ELF5: variants seen among roughly 807,000 people sequenced by gnomAD.
ELF5 encodes the protein ETS-related transcription factor Elf-5.
Under a neutral mutation model 38.2 loss-of-function variants are expected in ELF5, and 31 were observed. The observed-to-expected ratio is 0.81, with a 90% confidence interval of 0.61 to 1.10. The LOEUF (loss-of-function observed/expected upper bound fraction) is 1.10, where lower values mean the gene tolerates loss of function less well. Among genes scored for constraint, ELF5 ranks in the 50% least tolerant of loss-of-function variants. The pLI, the probability that ELF5 is intolerant of heterozygous loss-of-function variation, is 0.00. For missense variants in ELF5, 300 were observed against 306.6 expected, an observed-to-expected ratio of 0.98 and a Z score of 0.16; for synonymous variants, 121 against 112.5, an observed-to-expected ratio of 1.08 and a Z score of -0.48.
chr11:34,511,920 G>C (rs985118109), intron 1 of ELF5: 1 of 292,506 alleles, frequency 3.4e-6, no homozygotes. Flanking sequence ...CTGTTTACGG[G>C]CCAAATCATC....
chr11:34,490,529 G>A (rs1850140250), intron 3 of ELF5, among the ~76,000 whole-genome samples: 1 of 152,226 alleles, frequency 6.6e-6, no homozygotes, highest in Admixed American at 6.5e-5. Context: ...TTGGGGATTG[G>A]AATGCCTGTT....
At chr11:34,482,376 TTGTC>T (rs1856961229) in intron 5 of ELF5, 51 bp downstream of exon 5, 1 of 1,512,732 alleles carries the variant, frequency 6.6e-7, no homozygotes, top group African/African-American at 1.4e-5. Flanking sequence ...GTAGATGACT[TTGTC>T]TGAGGAATGG....
At chr11:34,497,026 C>T (rs1385358268) in intron 2 of ELF5, among the ~76,000 whole-genome samples, 1 of 151,920 alleles carries the variant, frequency 6.6e-6, no homozygotes, top group Non-Finnish European at 1.5e-5. Context: ...CAGAGCCTGA[C>T]TAGAAAAAAT....
At chr11:34,497,663 G>T (rs1437881969) in intron 2 of ELF5, among the ~76,000 whole-genome samples, 2 of 152,218 alleles carry the variant, frequency 1.3e-5, no homozygotes, top group African/African-American at 4.8e-5. Context: ...ATGCCAAAGT[G>T]CACAATGGCT....
rs1381363454 is a variant in ELF5 at position 34,493,510 on chromosome 11, C to T, written c.324G>A (p.Leu108=). 6.2e-7 allele frequency: 1 copy of T among 1,613,996 alleles called. No homozygotes were observed. Among genetic ancestry groups the T allele is most frequent in the Admixed American group, 1.7e-5 (1 of 60,002 alleles). ...TGCGGATGTTCTGGAGGATGAAGTACAGGTACTCGCCGCAGAGGCCAGCTG... is the reference window on the plus strand; with the variant it reads ...TGCGGATGTTCTGGAGGATGAAGTATAGGTACTCGCCGCAGAGGCCAGCTG... The part of the protein sequence containing the change: ...VEAAGLCGEY[L]YFILQNIRTQ... The change falls in exon 3 of 7, where the codon CTG becomes CTA. Residue 108 remains leucine (L), a synonymous_variant. Coordinates refer to ENST00000257832, the MANE Select transcript of ELF5 (RefSeq NM_001422.4).
In ELF5 at chr11:34,488,908, A is replaced by C. The variant is rs369464079; in HGVS notation, c.406+1101T>G. Among the ~76,000 whole-genome samples the C allele has an allele frequency of 3.9e-5, 6 of 152,284 alleles. No individual in the cohort carries two copies. In the East Asian group the frequency reaches 1.2e-3, roughly 29 times the overall value. On this transcript the variant is annotated intron_variant, in intron 4 of 6. Coordinates refer to ENST00000257832, the MANE Select transcript of ELF5 (RefSeq NM_001422.4). ...TTGACTGGGTTAGGTGTGGTGGTAAAAGCTGGGATTTACATCCCCCAGGCT... is the reference window on the plus strand; with the variant it reads ...TTGACTGGGTTAGGTGTGGTGGTAACAGCTGGGATTTACATCCCCCAGGCT...
At chr11:34,492,301 C>G (rs571861354) in intron 3 of ELF5, 1 of 152,238 alleles carries the variant, frequency 6.6e-6, no homozygotes, top group Non-Finnish European at 1.5e-5. Flanking sequence ...TGCCTTCAAG[C>G]GCTCATGATG....
rs150549675 is a variant in ELF5 at position 34,487,504 on chromosome 11, A to G, written c.406+2505T>C. Among the ~76,000 whole-genome samples, 5 of 152,326 alleles carry G rather than the reference A, an allele frequency of 3.3e-5. No homozygotes were observed. The East Asian group carries it at 9.6e-4, about 29-fold the overall frequency. On this transcript the variant is annotated intron_variant, in intron 4 of 6. Coordinates refer to ENST00000257832, the MANE Select transcript of ELF5 (RefSeq NM_001422.4). ...CTGGCTAGACTGCTTTCTGACCCAGACAATAGCAGCCCAAGAGATGTTAAA... is the reference window on the plus strand; with the variant it reads ...CTGGCTAGACTGCTTTCTGACCCAGGCAATAGCAGCCCAAGAGATGTTAAA...
intron 2 of ELF5, among the ~76,000 whole-genome samples, chr11:34,499,305 G>A (rs12221624): frequency 0.11 from 17,303 of 152,024 alleles, 1,065 homozygotes; most frequent in East Asian, 0.26. Flanking sequence ...GCAGTTGCTC[G>A]AACATGGCTC....
intron 2 of ELF5, among the ~76,000 whole-genome samples, chr11:34,503,193 C>T (rs150165736): frequency 6.6e-6 from 1 of 152,340 alleles, no homozygotes; most frequent in African/African-American, 2.4e-5. Context: ...GAGTCTCCCC[C>T]TGTTGCTCAG....
chr11:34,513,553 T>A (rs558603518), intron 1 of ELF5, 124 bp downstream of exon 1: 1 of 152,514 alleles, frequency 6.6e-6, no homozygotes, highest in Admixed American at 6.5e-5. Context: ...GCCCTGGGAC[T>A]GCACCCAGCG....
chr11:34,507,874 T>G (rs1850648360), intron 1 of ELF5, among the ~76,000 whole-genome samples: 1 of 152,220 alleles, frequency 6.6e-6, no homozygotes, highest in Admixed American at 6.5e-5. Context: ...AGGAGTGAAT[T>G]CTTCATCTAG....
chr11:34,493,071 A>G (rs1243734345), intron 3 of ELF5: 3 of 282,922 alleles, frequency 1.1e-5, no homozygotes, highest in Non-Finnish European at 2.0e-5. Context: ...AATGATAATT[A>G]GTTGGACTCC....
chr11:34,493,703 G>A lies in ELF5; in HGVS notation c.131C>T (p.Ser44Leu). 6.2e-7 allele frequency: 1 copy of A among 1,613,888 alleles called. No homozygotes were observed. Among genetic ancestry groups the A allele is most frequent in the Non-Finnish European group, 8.5e-7 (1 of 1,179,814 alleles). ...PAFEHQTACD[S>L]YWTSVHPEYW... ...TTCAGGGTGGACTGATGTCCAGTAT[G>A]AGTCACAGGCTGCACCAAAGGAGAA... The change falls in exon 3 of 7, where the codon TCA (serine) becomes TTA (leucine). Residue 44 changes from serine (S) to leucine (L), a missense_variant. Ser to Leu is a moderately radical substitution (Grantham distance 145). Coordinates refer to ENST00000257832, the MANE Select transcript of ELF5 (RefSeq NM_001422.4).
intron 1 of ELF5, among the ~76,000 whole-genome samples, chr11:34,507,997 CT>C (rs1413657012): frequency 6.6e-6 from 1 of 152,108 alleles, no homozygotes; most frequent in African/African-American, 2.4e-5. Context: ...CATCAACTCC[CT>C]TTTTGTTTTA....
Position 34,509,894 on chromosome 11 carries a change from T to C in ELF5, c.-5+3783A>G, listed in dbSNP as rs78736296. 1.3e-3 allele frequency among the ~76,000 whole-genome samples: 205 copies of C among 152,244 alleles called. 2 individuals carry two copies. The East Asian group carries it at 0.038, about 28-fold the overall frequency. ...AAAACAGAAAACAGTCCCCAGGTCT[T>C]CAGTGTCAAATAAGGAATCCATCAA... is the stretch of plus-strand genomic sequence containing the variant. On this transcript the variant is annotated intron_variant, in intron 1 of 6. Coordinates refer to ENST00000257832, the MANE Select transcript of ELF5 (RefSeq NM_001422.4).
intron 3 of ELF5, among the ~76,000 whole-genome samples, chr11:34,491,337 C>T (rs1437119814): frequency 6.6e-6 from 1 of 152,092 alleles, no homozygotes; most frequent in Non-Finnish European, 1.5e-5. Context: ...GATTGAGAAA[C>T]ATTAAAAGAG....
chr11:34,484,028 T>C (rs1857004585), intron 4 of ELF5, among the ~76,000 whole-genome samples: 1 of 151,566 alleles, frequency 6.6e-6, no homozygotes, highest in South Asian at 2.1e-4. Context: ...CTGTACTAAC[T>C]ATATTGTATT....
chr11:34,480,916 G>C lies in ELF5; in HGVS notation c.527C>G (p.Pro176Arg). The C allele has an allele frequency of 6.2e-7, 1 of 1,614,086 alleles. No individual in the cohort carries two copies. Among genetic ancestry groups the C allele is most frequent in the Non-Finnish European group, 8.5e-7 (1 of 1,180,010 alleles). The change falls in exon 6 of 7, where the codon CCT becomes CGT. Residue 176 changes from proline (P) to arginine (R), a missense_variant. Physicochemically the swap from Pro to Arg is moderately radical, Grantham distance 103. Transcript: ENST00000257832. Reference sequence around the variant, plus strand: ...TTCCAGAATGCCACAGTTTTCTTCAGGAGATAGAAGCAGGTCTCGTACAAA... The same window carrying C: ...TTCCAGAATGCCACAGTTTTCTTCACGAGATAGAAGCAGGTCTCGTACAAA... Reference protein sequence around the residue: ...WEFVRDLLLSPEENCGILEWE... With the variant: ...WEFVRDLLLSREENCGILEWE...
Sources: gnomAD v4.1 joint callset for allele counts (sites outside exome capture counted in the v4.1 genomes callset) on GRCh38, gnomAD v4.1.1 for gene constraint, MANE v1.5 for transcripts, NCBI Gene and HGNC (gene_info 2026-07-23, HGNC 2026-07-21) for gene names.